The following ZFX variants were observed in gnomAD, a reference collection of about 807,000 sequenced individuals.
ZFX encodes zinc finger X-chromosomal protein.
For synonymous variants in ZFX, 196 were observed against 226.8 expected (o/e 0.86, Z 1.22); for missense variants, 362 against 628.3 (o/e 0.58, Z 4.53).
At chrX:24,191,915 G>A (rs1936556859) in intron 5 of ZFX, among the ~76,000 whole-genome samples, 1 of 110,720 alleles carries the variant, frequency 9.0e-6, no homozygotes, top group Non-Finnish European at 1.9e-5. Context: ...GGCCAGGCTG[G>A]TCTCAAACTC....
intron 3 of ZFX, among the ~76,000 whole-genome samples, chrX:24,153,511 T>A (rs1729358211): frequency 9.0e-6 from 1 of 111,416 alleles, no homozygotes; most frequent in Non-Finnish European, 1.9e-5. Flanking sequence ...ATTCCTAGGT[T>A]TGCTCATCTT....
rs181626889 is a variant in ZFX at position 24,180,068 on chromosome X, C to G, written c.646+298C>G. On this transcript the variant is annotated intron_variant, in intron 5 of 9. Transcript: ENST00000304543. ...CCAACATGGTGAAACCCCGTCTCTA[C>G]TAAAAATACAAAAATTAACCGGGTG... 2.4e-4 allele frequency among the ~76,000 whole-genome samples: 26 copies of G among 109,363 alleles called. No individual in the cohort carries two copies. The highest frequency in any genetic ancestry group is 8.0e-4 in the African/African-American group (24 of 30,022). The allele number at this position is 109,363 out of a possible 115,157, so 95.0% of individuals were successfully genotyped here.
At chrX:24,193,379 A>G (rs1407427321) in intron 5 of ZFX, among the ~76,000 whole-genome samples, 1 of 112,305 alleles carries the variant, frequency 8.9e-6, no homozygotes, top group Non-Finnish European at 1.9e-5. Flanking sequence ...TGAAATGTCT[A>G]GAAGAGGCAG....
intron 3 of ZFX, among the ~76,000 whole-genome samples, chrX:24,167,554 G>A (rs148659750): frequency 0.016 from 1,785 of 111,551 alleles, 34 homozygotes; most frequent in African/African-American, 0.054. Context: ...TCCACAGAGA[G>A]ATTTGGGAAG....
At chrX:24,185,268 A>G (rs902954615) in intron 5 of ZFX, among the ~76,000 whole-genome samples, 1 of 111,200 alleles carries the variant, frequency 9.0e-6, no homozygotes, top group African/African-American at 3.3e-5. Flanking sequence ...CCCGGCCTCT[A>G]CAGCCACTTT....
intron 4 of ZFX, chrX:24,173,781 G>A (rs1167203142): frequency 7.1e-6 from 3 of 422,227 alleles, no homozygotes; most frequent in Non-Finnish European, 1.2e-5. Flanking sequence ...TTTGGGTAGT[G>A]ACGGGGTTTT....
chrX:24,150,972 AT>A (rs1182696468), intron 1 of ZFX, among the ~76,000 whole-genome samples: 1 of 112,136 alleles, frequency 8.9e-6, no homozygotes, highest in East Asian at 2.8e-4. Context: ...TGTTGGTGGT[AT>A]TTTTTTAAAT....
chrX:24,161,495 A>G (rs1933306072), intron 3 of ZFX, among the ~76,000 whole-genome samples: 1 of 111,499 alleles, frequency 9.0e-6, no homozygotes, highest in African/African-American at 3.3e-5. Flanking sequence ...AACACTTATT[A>G]TAAAGCTACA....
chrX:24,179,052 C>G (rs935246299), intron 4 of ZFX, 131 bp from the exon 5 acceptor site: 5 of 554,632 alleles, frequency 9.0e-6, no homozygotes, highest in East Asian at 3.5e-5. Flanking sequence ...CTCTTTATTT[C>G]TTTAATCTAT....
At chrX:24,173,636 A>C (rs1348235732) in intron 4 of ZFX, 1 of 1,048,517 alleles carries the variant, frequency 9.5e-7, no homozygotes, top group Admixed American at 2.7e-5. Context: ...CCCAGGCTGG[A>C]GCACAGTGGC....
chrX:24,211,440 A>C lies in ZFX; in HGVS notation c.*64A>C. 9.1e-7 allele frequency: 1 copy of C among 1,104,688 alleles called. No individual in the cohort carries two copies. The highest frequency in any genetic ancestry group is 1.8e-5 in the African/African-American group (1 of 55,189). The allele number at this position is 1,104,688 out of a possible 1,213,427, so 91.0% of individuals were successfully genotyped here. On this transcript the variant is annotated 3_prime_UTR_variant, in exon 10 of 10. Transcript: ENST00000304543. ...GAAGCAGAAAATTCATTTTAAAGCC[A>C]ATCAGTCTCATTCACATACAATACT...
intron 3 of ZFX, among the ~76,000 whole-genome samples, chrX:24,171,941 A>AGG (rs1191721151): frequency 9.1e-6 from 1 of 110,115 alleles, no homozygotes; most frequent in African/African-American, 3.3e-5. Flanking sequence ...AGAGAGAGAG[A>AGG]GGCAGACAGA....
At chrX:24,192,449 G>A (rs934143416) in intron 5 of ZFX, among the ~76,000 whole-genome samples, 4 of 111,804 alleles carry the variant, frequency 3.6e-5, no homozygotes, top group Non-Finnish European at 5.6e-5. Flanking sequence ...AGTATTGGCC[G>A]TAGGTTTATT....
At chrX:24,163,095 G>A (rs1418205909) in intron 3 of ZFX, among the ~76,000 whole-genome samples, 5 of 107,783 alleles carry the variant, frequency 4.6e-5, no homozygotes, top group Non-Finnish European at 7.6e-5. Flanking sequence ...AAAAGTAGGC[G>A]TTCAGTTTCA....
chrX:24,175,766 A>T (rs1461426373), intron 4 of ZFX, among the ~76,000 whole-genome samples: 2 of 110,221 alleles, frequency 1.8e-5, no homozygotes, highest in Non-Finnish European at 3.8e-5. Flanking sequence ...TTTAGTAGAG[A>T]TGGGGTTTTG....
chrX:24,178,545 TC>T (rs1238890629), intron 4 of ZFX, among the ~76,000 whole-genome samples: 1 of 110,204 alleles, frequency 9.1e-6, no homozygotes, highest in African/African-American at 3.3e-5. Context: ...CGTCTTGGCC[TC>T]CCAAAGTGCT....
chrX:24,210,165 C>G lies in ZFX; in HGVS notation c.1235-28C>G, dbSNP rs757016651. 1.2e-5 allele frequency: 14 copies of G among 1,207,736 alleles called. No individual in the cohort carries two copies. In the Admixed American group the frequency reaches 3.1e-4, roughly 26 times the overall value. On this transcript the variant is annotated intron_variant, in intron 9 of 9. Transcript: ENST00000304543. ...ACTGGAACAGAACTTGGTTTGAGCA[C>G]TCATACTCCTTTCTTTTCCTTTTTT...
chrX:24,175,224 A>G (rs1017535022), intron 4 of ZFX, among the ~76,000 whole-genome samples: 4 of 112,702 alleles, frequency 3.5e-5, no homozygotes, highest in Non-Finnish European at 5.6e-5. Context: ...TAATCTTGCC[A>G]CAGGCAAACC....
chrX:24,169,823 A>C (rs1394618969), intron 3 of ZFX, among the ~76,000 whole-genome samples: 1 of 110,168 alleles, frequency 9.1e-6, no homozygotes, highest in Admixed American at 9.8e-5. Context: ...AGAAGAGGAG[A>C]GGGTTGAGCA....
Sources: gnomAD v4.1 joint callset for allele counts (sites outside exome capture counted in the v4.1 genomes callset) on GRCh38, gnomAD v4.1.1 for gene constraint, MANE v1.5 for transcripts, NCBI Gene and HGNC (gene_info 2026-07-23, HGNC 2026-07-21) for gene names.